Variants in PHYHIP observed in about 807,000 individuals in gnomAD.
PHYHIP encodes the protein phytanoyl-CoA 2-hydroxylase interacting protein.
Under a neutral mutation model 26.1 loss-of-function variants are expected in PHYHIP, and 7 were observed. The ratio of observed to expected loss-of-function variants is 0.27; its 90% confidence interval spans 0.15 to 0.50. The LOEUF is 0.50. PHYHIP is among the 20% of genes least tolerant of loss of function. The pLI, the probability that PHYHIP is intolerant of heterozygous loss-of-function variation, is 0.98. For missense variants in PHYHIP, 232 were observed against 454.7 expected (o/e 0.51, Z 4.45); for synonymous variants, 206 against 183.4 (o/e 1.12, Z -1.00).
At chr8:22,231,658 G>C (rs1414651744) in intron 1 of PHYHIP, 138 bp downstream of exon 1, 1 of 10,824 alleles carries the variant, frequency 9.2e-5, no homozygotes, top group Non-Finnish European at 2.2e-4. Context: ...AGGCCTGGCC[G>C]GGGGGGGGGA....
At chr8:22,229,104 C>T (rs1158438930) in intron 1 of PHYHIP, among the ~76,000 whole-genome samples, 2 of 152,180 alleles carry the variant, frequency 1.3e-5, no homozygotes, top group Non-Finnish European at 2.9e-5. Flanking sequence ...CGGCCATGTG[C>T]TCATAATTTC....
chr8:22,229,290 T>A (rs1563304049), intron 1 of PHYHIP, among the ~76,000 whole-genome samples: 1 of 152,056 alleles, frequency 6.6e-6, no homozygotes, highest in Non-Finnish European at 1.5e-5. Flanking sequence ...TCCCCTCATG[T>A]GTGGGGGTGG....
rs1829598688 is a variant in PHYHIP at position 22,220,633 on chromosome 8, G to A, written c.*720C>T. The A allele has an allele frequency of 1.3e-5, 2 of 152,352 alleles. No homozygotes were observed. Among genetic ancestry groups the A allele is most frequent in the East Asian group, 3.8e-4 (2 of 5,196 alleles). 9.4% of individuals were successfully genotyped at this position (152,352 alleles called of 1,614,324 possible). ...CTAAGCAAGGAGAAGGTATGCTGGG[G>A]TATGGAAGGAAGGAACATCCGACAG... is the stretch of plus-strand genomic sequence containing the variant. On this transcript the variant is annotated 3_prime_UTR_variant, in exon 5 of 5. Coordinates refer to ENST00000454243, the MANE Select transcript of PHYHIP (RefSeq NM_014759.5).
chr8:22,223,025 G>T, intron 4 of PHYHIP, among the ~76,000 whole-genome samples: 1 of 151,978 alleles, frequency 6.6e-6, no homozygotes, highest in East Asian at 1.9e-4. Context: ...GACTCCCAAG[G>T]TCCTCACTGC....
chr8:22,224,779 C>T (rs1167682309), intron 3 of PHYHIP, among the ~76,000 whole-genome samples: 1 of 152,166 alleles, frequency 6.6e-6, no homozygotes, highest in Non-Finnish European at 1.5e-5. Flanking sequence ...CCCACACCAC[C>T]CCCATGGAAG....
chr8:22,225,586 G>T (rs142289234), intron 3 of PHYHIP, among the ~76,000 whole-genome samples: 2,586 of 148,980 alleles, frequency 0.017, 40 homozygotes, highest in Non-Finnish European at 0.028. Flanking sequence ...CCTGAGGTCA[G>T]GAGTTCAAGA....
At chr8:22,226,669 G>A (rs1347594215) in intron 3 of PHYHIP, among the ~76,000 whole-genome samples, 182 bp downstream of exon 3, 1 of 152,180 alleles carries the variant, frequency 6.6e-6, no homozygotes, top group Non-Finnish European at 1.5e-5. Context: ...GAAGAGAAAG[G>A]TTGGGCTCCT....
intron 1 of PHYHIP, among the ~76,000 whole-genome samples, chr8:22,230,845 G>A (rs1033969718): frequency 2.0e-5 from 3 of 151,960 alleles, no homozygotes; most frequent in Non-Finnish European, 4.4e-5. Context: ...ACAGGCTCAC[G>A]CACACACACG....
At position 22,231,868 on chromosome 8, in the gene PHYHIP, C is replaced by T. The variant is rs1387338644; in HGVS notation, c.-102G>A. 6.6e-6 allele frequency: 1 copy of T among 152,300 alleles called. No individual in the cohort carries two copies. The highest frequency in any genetic ancestry group is 2.4e-5 in the African/African-American group (1 of 41,458). The allele number at this position is 152,300 out of a possible 1,614,324, so 9.4% of individuals were successfully genotyped here. On this transcript the variant is annotated 5_prime_UTR_variant, in exon 1 of 5. Transcript: ENST00000454243. ...GAGAGACCTCTGCGTGGATGAGCTCCCCGGCAGGGGACAGCAGCCGGACGC... is the reference window on the plus strand; with the variant it reads ...GAGAGACCTCTGCGTGGATGAGCTCTCCGGCAGGGGACAGCAGCCGGACGC...
chr8:22,224,474 C>A (rs1466687167), intron 3 of PHYHIP, 131 bp from the exon 4 acceptor site: 3 of 640,934 alleles, frequency 4.7e-6, no homozygotes, highest in Non-Finnish European at 8.4e-6. Flanking sequence ...GGAGACTAGA[C>A]AGTCGCAGAA....
At chr8:22,228,059 C>T (rs1829787209) in intron 2 of PHYHIP, 134 bp downstream of exon 2, 5 of 751,910 alleles carry the variant, frequency 6.6e-6, no homozygotes, top group Non-Finnish European at 1.1e-5. Flanking sequence ...GTAACTTTCC[C>T]AAAATGACAC....
chr8:22,224,667 T>A (rs988616507), intron 3 of PHYHIP, among the ~76,000 whole-genome samples: 1 of 152,174 alleles, frequency 6.6e-6, no homozygotes, highest in African/African-American at 2.4e-5. Context: ...TCCCAGGCCA[T>A]CCTCATGTGA....
intron 4 of PHYHIP, among the ~76,000 whole-genome samples, chr8:22,223,069 AAGAC>A (rs1226625862): frequency 1.3e-5 from 2 of 152,074 alleles, no homozygotes; most frequent in East Asian, 3.9e-4. Flanking sequence ...TGTAAGGATA[AAGAC>A]AGACAGAGGC....
At chr8:22,231,118 C>A (rs539803811) in intron 1 of PHYHIP, among the ~76,000 whole-genome samples, 4 of 152,346 alleles carry the variant, frequency 2.6e-5, no homozygotes, top group African/African-American at 9.6e-5. Context: ...CAGGTTTGTG[C>A]ACCTACGTGG....
rs1829874677 is a variant in PHYHIP at position 22,231,856 on chromosome 8, G to C, written c.-90C>G. On this transcript the variant is annotated 5_prime_UTR_variant, in exon 1 of 5. Transcript: ENST00000454243. ...AGGGAGGACAGGGAGAGACCTCTGC[G>C]TGGATGAGCTCCCCGGCAGGGGACA... The C allele has an allele frequency of 6.6e-6, 1 of 152,318 alleles. No homozygotes were observed. The highest frequency in any genetic ancestry group is 2.1e-4 in the South Asian group (1 of 4,836). The allele number at this position is 152,318 out of a possible 1,614,324, so 9.4% of individuals were successfully genotyped here. A position where few individuals can be genotyped will look rare whatever the true frequency, so the allele number is the denominator to read the frequency against.
chr8:22,221,500 G>A lies in PHYHIP; in HGVS notation c.846C>T (p.Leu282=). The change falls in exon 5 of 5, where the codon CTC becomes CTT. Residue 282 remains leucine (L), a synonymous_variant. Coordinates refer to ENST00000454243, the MANE Select transcript of PHYHIP (RefSeq NM_014759.5). This position sits in a 1 kb window ranked among gnomAD's most constrained non-coding sequence, Gnocchi z 7.9. ...GELVFRHAQD[L]ILEIIYTEPV... ...GCTCAGTGTAGATGATCTCCAGGAT[G>A]AGGTCCTGGGCGTGGCGGAAGACCA... 1 of 1,614,074 alleles carries A rather than the reference G, an allele frequency of 6.2e-7. No individual in the cohort carries two copies. Among genetic ancestry groups the A allele is most frequent in the Non-Finnish European group, 8.5e-7 (1 of 1,179,984 alleles).
chr8:22,230,041 C>G (rs1421888101), intron 1 of PHYHIP, among the ~76,000 whole-genome samples: 2 of 152,188 alleles, frequency 1.3e-5, no homozygotes, highest in Non-Finnish European at 2.9e-5. Flanking sequence ...GCGGTGCTAC[C>G]AGGCCCACCC....
At chr8:22,230,945 C>T (rs1055522220) in intron 1 of PHYHIP, among the ~76,000 whole-genome samples, 3 of 152,174 alleles carry the variant, frequency 2.0e-5, no homozygotes, top group Non-Finnish European at 2.9e-5. Context: ...CAAGAAGGCA[C>T]GCAACCCACA....
intron 3 of PHYHIP, among the ~76,000 whole-genome samples, chr8:22,225,068 A>G (rs1279442207): frequency 6.6e-6 from 1 of 152,088 alleles, no homozygotes; most frequent in Non-Finnish European, 1.5e-5. Context: ...TGTGGACTGG[A>G]TTGCAGCCAG....
Sources: gnomAD v4.1 joint callset for allele counts (sites outside exome capture counted in the v4.1 genomes callset) on GRCh38, gnomAD v4.1.1 for gene constraint, Gnocchi (gnomAD v3.1) non-coding constraint, MANE v1.5 for transcripts, NCBI Gene and HGNC (gene_info 2026-07-23, HGNC 2026-07-21) for gene names.